The following SLC16A10 variants were observed in gnomAD, a reference collection of about 807,000 sequenced individuals.
The protein encoded by SLC16A10 is monocarboxylate transporter 10.
In SLC16A10, 27 loss-of-function variants were observed where a neutral mutation model predicts 40.0. The observed-to-expected ratio is 0.67, with a 90% CI of 0.50 to 0.93. The LOEUF (loss-of-function observed/expected upper bound fraction) is 0.93, where lower values mean the gene tolerates loss of function less well. SLC16A10 is among the 40% of genes least tolerant of loss of function. SLC16A10 has a pLI of 0.00. For missense variants in SLC16A10, 529 were observed against 658.2 expected (o/e 0.80, Z 2.15); for synonymous variants, 213 against 249.8 (o/e 0.85, Z 1.39).
chr6:111,175,144 C>A (rs1336503128), intron 2 of SLC16A10, among the ~76,000 whole-genome samples: 1 of 152,144 alleles, frequency 6.6e-6, no homozygotes, highest in African/African-American at 2.4e-5. Context: ...AAACCTTCTC[C>A]AACAACTTAG....
chr6:111,088,277 G>T (rs1380865906), intron 1 of SLC16A10, among the ~76,000 whole-genome samples, 182 bp downstream of exon 1: 1 of 152,164 alleles, frequency 6.6e-6, no homozygotes, highest in Non-Finnish European at 1.5e-5. Context: ...GCCTCGGGGT[G>T]CCCGTCTTTA....
At chr6:111,097,208 A>G (rs1039701329) in intron 1 of SLC16A10, among the ~76,000 whole-genome samples, 1 of 152,232 alleles carries the variant, frequency 6.6e-6, no homozygotes, top group South Asian at 2.1e-4. Context: ...CACACATCCA[A>G]GTGTAGTTTG....
At chr6:111,141,437 C>T (rs1009554329) in intron 1 of SLC16A10, among the ~76,000 whole-genome samples, 6 of 152,046 alleles carry the variant, frequency 3.9e-5, no homozygotes, top group Non-Finnish European at 5.9e-5. Context: ...CCAAGGCAGG[C>T]GGATCACCTG....
intron 3 of SLC16A10, among the ~76,000 whole-genome samples, chr6:111,205,565 A>T (rs1773240875): frequency 6.6e-6 from 1 of 152,234 alleles, no homozygotes; most frequent in Non-Finnish European, 1.5e-5. Flanking sequence ...CTCTTTACAC[A>T]GACATTTTAT....
intron 1 of SLC16A10, among the ~76,000 whole-genome samples, chr6:111,112,987 A>G (rs1278587536): frequency 6.6e-6 from 1 of 152,220 alleles, no homozygotes; most frequent in East Asian, 1.9e-4. Context: ...TCTGGCTTCC[A>G]GGAATGTTTT....
chr6:111,218,964 G>T lies in SLC16A10; in HGVS notation c.1237G>T (p.Ala413Ser). 1 of 1,614,032 alleles carries T rather than the reference G, an allele frequency of 6.2e-7. No homozygotes were observed. Among genetic ancestry groups the T allele is most frequent in the South Asian group, 1.1e-5 (1 of 91,078 alleles). ...MAPIAFELVG[A>S]QDVSQAIGFL... Reference sequence around the variant, plus strand: ...TCCCATAGCCTTTGAGTTAGTTGGTGCCCAGGATGTCTCCCAAGCAATTGG... The same window carrying T: ...TCCCATAGCCTTTGAGTTAGTTGGTTCCCAGGATGTCTCCCAAGCAATTGG... Residue 413 changes from alanine to serine, a missense_variant, in exon 5 of 6, where the codon GCC (alanine) becomes TCC (serine). Ala to Ser is a moderately conservative substitution (Grantham distance 99). Coordinates refer to ENST00000368851, the MANE Select transcript of SLC16A10 (RefSeq NM_018593.5).
intron 1 of SLC16A10, among the ~76,000 whole-genome samples, chr6:111,107,205 TG>T (rs1427194383): frequency 6.6e-6 from 1 of 152,172 alleles, no homozygotes; most frequent in Non-Finnish European, 1.5e-5. Context: ...AAAATATTTT[TG>T]AACCAAAATC....
chr6:111,188,271 C>G (rs1772932954), intron 3 of SLC16A10, among the ~76,000 whole-genome samples: 3 of 151,376 alleles, frequency 2.0e-5, no homozygotes, highest in Non-Finnish European at 4.4e-5. Flanking sequence ...CCCTCTCTCC[C>G]TCTCTCCCTC....
chr6:111,186,767 CT>C (rs1367166062), intron 3 of SLC16A10, among the ~76,000 whole-genome samples: 1 of 152,162 alleles, frequency 6.6e-6, no homozygotes, highest in Non-Finnish European at 1.5e-5. Flanking sequence ...CTATTTACCC[CT>C]ATGCTTTCCC....
At chr6:111,196,788 T>G (rs1773086390) in intron 3 of SLC16A10, among the ~76,000 whole-genome samples, 1 of 152,236 alleles carries the variant, frequency 6.6e-6, no homozygotes, top group Non-Finnish European at 1.5e-5. Flanking sequence ...GTATTGGTTA[T>G]TATAAGTAAT....
chr6:111,204,101 A>G (rs1228048882), intron 3 of SLC16A10, among the ~76,000 whole-genome samples: 1 of 152,146 alleles, frequency 6.6e-6, no homozygotes, highest in East Asian at 1.9e-4. Context: ...GTGAGGGCTC[A>G]AGCAAGAAGC....
chr6:111,154,105 C>T (rs1772225206), intron 1 of SLC16A10, among the ~76,000 whole-genome samples: 1 of 152,110 alleles, frequency 6.6e-6, no homozygotes, highest in Non-Finnish European at 1.5e-5. Context: ...TTTATTATTT[C>T]CTCTCTATAT....
At chr6:111,143,707 A>G (rs1471967048) in intron 1 of SLC16A10, among the ~76,000 whole-genome samples, 1 of 152,210 alleles carries the variant, frequency 6.6e-6, no homozygotes, top group Non-Finnish European at 1.5e-5. Context: ...GAGAATGAAT[A>G]GGTGGAGTAC....
chr6:111,100,980 C>G (rs1208322820), intron 1 of SLC16A10, among the ~76,000 whole-genome samples: 1 of 120,064 alleles, frequency 8.3e-6, no homozygotes, highest in Admixed American at 8.7e-5. Flanking sequence ...CTCTCTCTCT[C>G]TCTCTCTCTC....
intron 2 of SLC16A10, 84 bp from the exon 3 acceptor site, chr6:111,177,128 C>G (rs1268021853): frequency 1.0e-6 from 1 of 977,220 alleles, no homozygotes; most frequent in African/African-American, 1.7e-5. Context: ...GAACAAAAAC[C>G]CACTTATACT....
chr6:111,089,924 T>A (rs894299431), intron 1 of SLC16A10, among the ~76,000 whole-genome samples: 2 of 112,814 alleles, frequency 1.8e-5, no homozygotes, highest in Admixed American at 8.8e-5. Context: ...TTTTTTTTTT[T>A]TTTTTTTTTT....
At chr6:111,210,191 C>T (rs1396006018) in intron 4 of SLC16A10, among the ~76,000 whole-genome samples, 1 of 152,068 alleles carries the variant, frequency 6.6e-6, no homozygotes. Context: ...TGATCCTTGC[C>T]CCAGCCCTTT....
At chr6:111,155,879 C>T (rs950676091) in intron 1 of SLC16A10, among the ~76,000 whole-genome samples, 2 of 152,192 alleles carry the variant, frequency 1.3e-5, no homozygotes, top group African/African-American at 4.8e-5. Flanking sequence ...ACACCTAGCA[C>T]CATTTATCTT....
intron 3 of SLC16A10, among the ~76,000 whole-genome samples, chr6:111,200,691 C>T (rs1208620779): frequency 2.0e-5 from 3 of 152,184 alleles, no homozygotes; most frequent in African/African-American, 7.2e-5. Context: ...GCAACAAACT[C>T]AGATTATCCA....
Sources: gnomAD v4.1 joint callset for allele counts (sites outside exome capture counted in the v4.1 genomes callset) on GRCh38, gnomAD v4.1.1 for gene constraint, MANE v1.5 for transcripts, NCBI Gene and HGNC (gene_info 2026-07-23, HGNC 2026-07-21) for gene names.